PPP2R3A: variants seen among roughly 807,000 people sequenced by gnomAD.
The protein encoded by PPP2R3A is protein phosphatase 2 regulatory subunit B''alpha, also known as serine/threonine-protein phosphatase 2A regulatory subunit B'' subunit alpha.
PPP2R3A carries 80 observed loss-of-function variants against 106.9 expected under a neutral mutation model. That is an observed-to-expected ratio of 0.75 (90% CI 0.62 to 0.90). The LOEUF (loss-of-function observed/expected upper bound fraction) is 0.90, where lower values mean the gene tolerates loss of function less well. PPP2R3A is among the 40% of genes least tolerant of loss of function. PPP2R3A has a pLI of 0.00. For missense variants in PPP2R3A, 1,386 were observed against 1,350.4 expected (o/e 1.03, Z -0.41); for synonymous variants, 483 against 468.3 (o/e 1.03, Z -0.41).
At chr3:136,083,865 CT>C (rs1263018885) in intron 8 of PPP2R3A, among the ~76,000 whole-genome samples, 1 of 152,222 alleles carries the variant, frequency 6.6e-6, no homozygotes, top group African/African-American at 2.4e-5. Flanking sequence ...CATTTTGCCC[CT>C]GCCCTAGAGA....
rs894440716 is a variant in PPP2R3A at position 136,145,370 on chromosome 3, G to A, written c.*204G>A. 3.6e-5 allele frequency: 17 copies of A among 473,678 alleles called. No homozygotes were observed. The highest frequency in any genetic ancestry group is 7.1e-5 in the South Asian group (3 of 42,492). 29.3% of individuals were successfully genotyped at this position (473,678 alleles called of 1,614,324 possible). On this transcript the variant is annotated 3_prime_UTR_variant, in exon 14 of 14. Transcript: ENST00000264977. Reference sequence around the variant, plus strand: ...CTCCAATTTGCCTCAAACCTCTTACGGAGCTTCTCCTCAGAAGTGGTACCA... The same window carrying A: ...CTCCAATTTGCCTCAAACCTCTTACAGAGCTTCTCCTCAGAAGTGGTACCA...
chr3:136,057,396 A>T (rs1324251935), intron 5 of PPP2R3A, among the ~76,000 whole-genome samples: 2 of 152,206 alleles, frequency 1.3e-5, no homozygotes, highest in Non-Finnish European at 2.9e-5. Context: ...ATGTTAAATG[A>T]GCAAAGCACA....
At chr3:136,112,858 C>A (rs541370889) in intron 13 of PPP2R3A, among the ~76,000 whole-genome samples, 1 of 152,060 alleles carries the variant, frequency 6.6e-6, no homozygotes, top group Non-Finnish European at 1.5e-5. Context: ...TGAAGCTGGG[C>A]GCGGTGGCTC....
intron 10 of PPP2R3A, among the ~76,000 whole-genome samples, chr3:136,093,679 G>T (rs1576497954): frequency 6.6e-6 from 1 of 152,170 alleles, no homozygotes; most frequent in Non-Finnish European, 1.5e-5. Flanking sequence ...CATCAGAGAA[G>T]TGCAAATCAA....
intron 2 of PPP2R3A, among the ~76,000 whole-genome samples, chr3:136,013,178 G>GTA (rs1559868728): frequency 5.5e-5 from 7 of 126,812 alleles, no homozygotes; most frequent in Non-Finnish European, 1.0e-4. Flanking sequence ...GTGTGTGTGT[G>GTA]TGTGTATGTA....
chr3:135,965,865 C>G lies in PPP2R3A; in HGVS notation c.-441+16C>G, dbSNP rs1352396827. On this transcript the variant is annotated intron_variant, in intron 1 of 13. Coordinates refer to ENST00000264977, the MANE Select transcript of PPP2R3A (RefSeq NM_002718.5). Reference sequence around the variant, plus strand: ...GGGCAACGAGGTAGGCAAAGGAACACTGGCCGCACGGCCTGGAGCCTTCAG... The same window carrying G: ...GGGCAACGAGGTAGGCAAAGGAACAGTGGCCGCACGGCCTGGAGCCTTCAG... The G allele has an allele frequency of 6.6e-6, 1 of 151,892 alleles. No homozygotes were observed. Among genetic ancestry groups the G allele is most frequent in the Admixed American group, 6.5e-5 (1 of 15,270 alleles). The allele number at this position is 151,892 out of a possible 1,614,324, so 9.4% of individuals were successfully genotyped here.
chr3:136,037,639 C>T (rs978183118), intron 3 of PPP2R3A, among the ~76,000 whole-genome samples: 1 of 152,218 alleles, frequency 6.6e-6, no homozygotes, highest in Non-Finnish European at 1.5e-5. Context: ...TCACTGCCCT[C>T]ATCTATGTGA....
chr3:135,973,284 A>T (rs1009721438), intron 1 of PPP2R3A, among the ~76,000 whole-genome samples: 1 of 152,192 alleles, frequency 6.6e-6, no homozygotes, highest in Non-Finnish European at 1.5e-5. Context: ...ATAGGAGAGG[A>T]TATATGTATT....
At chr3:136,098,906 C>T (rs965369710) in intron 10 of PPP2R3A, among the ~76,000 whole-genome samples, 9 of 152,238 alleles carry the variant, frequency 5.9e-5, no homozygotes, top group African/African-American at 2.2e-4. Flanking sequence ...ATGTCCTCTA[C>T]CCTAGCATAA....
At chr3:136,011,741 C>T (rs1029535165) in intron 2 of PPP2R3A, among the ~76,000 whole-genome samples, 2 of 152,112 alleles carry the variant, frequency 1.3e-5, no homozygotes, top group Admixed American at 1.3e-4. Flanking sequence ...GCCAGCAAAC[C>T]GTAACTAGTC....
intron 5 of PPP2R3A, among the ~76,000 whole-genome samples, chr3:136,069,290 AAGTT>A (rs549500403): frequency 5.6e-4 from 85 of 152,248 alleles, no homozygotes; most frequent in Non-Finnish European, 4.7e-4. Flanking sequence ...TCCAAATAAA[AAGTT>A]AGCCAGGCAT....
At chr3:136,121,071 C>G (rs1937978087) in intron 13 of PPP2R3A, among the ~76,000 whole-genome samples, 2 of 152,006 alleles carry the variant, frequency 1.3e-5, no homozygotes, top group South Asian at 4.2e-4. Context: ...CCCAGCAATC[C>G]CACTGCTGGG....
intron 1 of PPP2R3A, among the ~76,000 whole-genome samples, chr3:135,977,994 C>T (rs1937466750): frequency 6.6e-6 from 1 of 152,054 alleles, no homozygotes; most frequent in Admixed American, 6.5e-5. Context: ...AGCCACCACA[C>T]CTGGCTGATC....
At chr3:136,101,283 T>C (rs542182430) in intron 10 of PPP2R3A, among the ~76,000 whole-genome samples, 1 of 152,250 alleles carries the variant, frequency 6.6e-6, no homozygotes, top group South Asian at 2.1e-4. Flanking sequence ...AAATATAAAA[T>C]TATAAATTCT....
intron 13 of PPP2R3A, among the ~76,000 whole-genome samples, chr3:136,137,348 C>A (rs1398933562): frequency 6.6e-6 from 1 of 151,920 alleles, no homozygotes; most frequent in Non-Finnish European, 1.5e-5. Flanking sequence ...TGGTATATTT[C>A]TTTTTAACAC....
At position 136,020,014 on chromosome 3, in the gene PPP2R3A, G is replaced by A. The variant is rs539928513; in HGVS notation, c.1996-6818G>A. On this transcript the variant is annotated intron_variant, in intron 2 of 13. Coordinates refer to ENST00000264977, the MANE Select transcript of PPP2R3A (RefSeq NM_002718.5). Reference sequence around the variant, plus strand: ...AACATTGTGCTAGAAAGCACAGTAAGAAAGAGACCACATCTTTATCATCTC... The same window carrying A: ...AACATTGTGCTAGAAAGCACAGTAAAAAAGAGACCACATCTTTATCATCTC... Among the ~76,000 whole-genome samples the A allele has an allele frequency of 1.2e-3, 179 of 152,230 alleles. 1 individual carries two copies. The highest frequency in any genetic ancestry group is 2.0e-3 in the Non-Finnish European group (135 of 67,980).
chr3:136,143,917 G>A (rs1414397280), intron 13 of PPP2R3A, among the ~76,000 whole-genome samples: 1 of 152,202 alleles, frequency 6.6e-6, no homozygotes, highest in East Asian at 1.9e-4. Context: ...GGGACTGTAT[G>A]TCCACAAATT....
intron 10 of PPP2R3A, among the ~76,000 whole-genome samples, chr3:136,095,839 A>ATTAGAGTACAGGACATGAACAGAATG (rs1937203373): frequency 6.6e-6 from 1 of 152,192 alleles, no homozygotes; most frequent in South Asian, 2.1e-4. Flanking sequence ...GTGAGCAGAA[A>ATTAGAGTACAGGACATGAACAGAATG]ATAGTGTCCA....
At chr3:136,098,577 GT>G (rs1937274953) in intron 10 of PPP2R3A, among the ~76,000 whole-genome samples, 1 of 152,128 alleles carries the variant, frequency 6.6e-6, no homozygotes, top group Admixed American at 6.6e-5. Context: ...CTCTTGAAAA[GT>G]TTTACTTTGC....
Sources: gnomAD v4.1 joint callset for allele counts (sites outside exome capture counted in the v4.1 genomes callset) on GRCh38, gnomAD v4.1.1 for gene constraint, MANE v1.5 for transcripts, NCBI Gene and HGNC (gene_info 2026-07-23, HGNC 2026-07-21) for gene names.